RIMKLA: variants seen among roughly 807,000 people sequenced by gnomAD.
RIMKLA encodes ribosomal modification protein rimK like family member A.
A neutral mutation model predicts 32.7 loss-of-function variants in RIMKLA; 14 were observed. The observed-to-expected ratio is 0.43, with a 90% CI of 0.28 to 0.67. The LOEUF (loss-of-function observed/expected upper bound fraction) is 0.67. RIMKLA is among the 30% of genes least tolerant of loss of function. The pLI is 0.18. For missense variants in RIMKLA, 410 were observed against 519.0 expected (o/e 0.79, Z 2.04); for synonymous variants, 176 against 204.1 (o/e 0.86, Z 1.18).
chr1:42,402,586 GCTAA>G (rs1348371565), intron 2 of RIMKLA, among the ~76,000 whole-genome samples: 4 of 120,888 alleles, frequency 3.3e-5, no homozygotes, highest in African/African-American at 6.2e-5. Flanking sequence ...AATCCACCTG[GCTAA>G]CTTTTTTTTT....
chr1:42,422,516 C>T lies in RIMKLA; in HGVS notation c.*7542C>T, dbSNP rs547338248. 1.4e-4 allele frequency: 22 copies of T among 152,274 alleles called. No homozygotes were observed. Among genetic ancestry groups the T allele is most frequent in the East Asian group, 1.4e-3 (7 of 5,180 alleles). 9.4% of individuals were successfully genotyped at this position (152,274 alleles called of 1,614,324 possible). On this transcript the variant is annotated 3_prime_UTR_variant, in exon 5 of 5. Transcript: ENST00000431473. Reference sequence around the variant, plus strand: ...ACAGTGTTAACTTCTCCAACAGAGACGAAATCATTTATAAATGATTGTTTT... The same window carrying T: ...ACAGTGTTAACTTCTCCAACAGAGATGAAATCATTTATAAATGATTGTTTT...
In RIMKLA at chr1:42,380,882, G is replaced by A. The variant is rs571246827; in HGVS notation, c.-53G>A. 1.5e-4 allele frequency: 180 copies of A among 1,209,572 alleles called. 2 individuals are homozygous for A. The East Asian group carries it at 6.0e-3, about 40-fold the overall frequency. 74.9% of individuals were successfully genotyped at this position (1,209,572 alleles called of 1,614,324 possible). ...CCTCCGCTCGCCCTACTGAGCGAGC[G>A]GCCCGGGGCGCCGAGGGGTCCGCGC... On this transcript the variant is annotated 5_prime_UTR_variant, in exon 1 of 5. Transcript: ENST00000431473.
Position 42,384,609 on chromosome 1 carries a change from A to G in RIMKLA, c.163+3512A>G, listed in dbSNP as rs972392198. 1.2e-4 allele frequency among the ~76,000 whole-genome samples: 12 copies of G among 101,570 alleles called. No homozygotes were observed. The East Asian group carries it at 1.9e-3, about 16-fold the overall frequency. The allele number at this position is 101,570 out of a possible 152,430, so 66.6% of individuals were successfully genotyped here. On this transcript the variant is annotated intron_variant, in intron 1 of 4. Coordinates refer to ENST00000431473, the MANE Select transcript of RIMKLA (RefSeq NM_173642.4). ...TGTGTATATATGTATATATGTATGTATATATATACTATATATGTGTGTGTG... is the reference window on the plus strand; with the variant it reads ...TGTGTATATATGTATATATGTATGTGTATATATACTATATATGTGTGTGTG...
At position 42,415,139 on chromosome 1, in the gene RIMKLA, G is replaced by A; in HGVS notation, c.*165G>A. 1.4e-6 allele frequency: 1 copy of A among 720,970 alleles called. No homozygotes were observed. The highest frequency in any genetic ancestry group is 2.2e-6 in the Non-Finnish European group (1 of 452,040). The allele number at this position is 720,970 out of a possible 1,614,324, so 44.7% of individuals were successfully genotyped here. A position where few individuals can be genotyped will look rare whatever the true frequency, so the allele number is the denominator to read the frequency against. On this transcript the variant is annotated 3_prime_UTR_variant, in exon 5 of 5. Transcript: ENST00000431473. ...TGATTTAAGCAAATGGCCTAGCTTTGTGGTTTTTACAAAGACAAATATAAA... is the reference window on the plus strand; with the variant it reads ...TGATTTAAGCAAATGGCCTAGCTTTATGGTTTTTACAAAGACAAATATAAA...
At chr1:42,383,152 C>T (rs1642904260) in intron 1 of RIMKLA, among the ~76,000 whole-genome samples, 1 of 152,074 alleles carries the variant, frequency 6.6e-6, no homozygotes, top group South Asian at 2.1e-4. Context: ...TCCTAAAGTG[C>T]TGGGATTACA....
chr1:42,407,384 A>C (rs1378742452), intron 3 of RIMKLA, among the ~76,000 whole-genome samples: 1 of 151,806 alleles, frequency 6.6e-6, no homozygotes, highest in Non-Finnish European at 1.5e-5. Flanking sequence ...TTTTGATGTC[A>C]TTTTGTGCTT....
At chr1:42,390,925 A>G (rs1642994877) in intron 1 of RIMKLA, among the ~76,000 whole-genome samples, 1 of 152,154 alleles carries the variant, frequency 6.6e-6, no homozygotes, top group Non-Finnish European at 1.5e-5. Flanking sequence ...GCAGGAAGTG[A>G]TCATGGTGCT....
chr1:42,391,174 A>G (rs540911541), intron 1 of RIMKLA, among the ~76,000 whole-genome samples: 1 of 152,312 alleles, frequency 6.6e-6, no homozygotes, highest in Admixed American at 6.5e-5. Context: ...GGGATGGTGG[A>G]GAAGATCCTT....
chr1:42,381,022 T>G lies in RIMKLA; in HGVS notation c.88T>G (p.Cys30Gly). 7.1e-7 allele frequency: 1 copy of G among 1,399,178 alleles called. No homozygotes were observed. The highest frequency in any genetic ancestry group is 9.3e-7 in the Non-Finnish European group (1 of 1,076,618). 86.7% of individuals were successfully genotyped at this position (1,399,178 alleles called of 1,614,324 possible). A position where few individuals can be genotyped will look rare whatever the true frequency, so the allele number is the denominator to read the frequency against. The change falls in exon 1 of 5, where the codon TGC (cysteine) becomes GGC (glycine). Residue 30 changes from cysteine (C) to glycine (G), a missense_variant. Coordinates refer to ENST00000431473, the MANE Select transcript of RIMKLA (RefSeq NM_173642.4). ...GATCCTGCGCGCCCTCCGGCAGCGC[T>G]GCTCCGAGCAGGACGTGCGCTTCCG... The part of the protein sequence containing the change: ...VQILRALRQR[C>G]SEQDVRFRAV...
At chr1:42,404,128 A>G (rs1643124254) in intron 2 of RIMKLA, among the ~76,000 whole-genome samples, 1 of 152,214 alleles carries the variant, frequency 6.6e-6, no homozygotes, top group Non-Finnish European at 1.5e-5. Flanking sequence ...CACAGGAATG[A>G]TATCCCAACA....
At chr1:42,387,821 T>C (rs1391612428) in intron 1 of RIMKLA, among the ~76,000 whole-genome samples, 2 of 151,976 alleles carry the variant, frequency 1.3e-5, no homozygotes, top group Non-Finnish European at 2.9e-5. Context: ...GAAAATAGGA[T>C]GTAAACAAGG....
chr1:42,401,486 T>C (rs1049665366), intron 2 of RIMKLA, among the ~76,000 whole-genome samples: 1 of 148,134 alleles, frequency 6.8e-6, no homozygotes, highest in Admixed American at 6.7e-5. Context: ...GGCGGGCAAC[T>C]TGAGAGGTGA....
chr1:42,404,581 C>T lies in RIMKLA; in HGVS notation c.465C>T (p.Ser155=). The T allele has an allele frequency of 1.2e-6, 2 of 1,611,506 alleles. No individual in the cohort carries two copies. The highest frequency in any genetic ancestry group is 1.1e-5 in the South Asian group (1 of 91,038). Residue 155 remains serine (S), a synonymous_variant, in exon 3 of 5, where the codon AGC becomes AGT. Transcript: ENST00000431473. The part of the protein sequence containing the change: ...EPLGYPVVVK[S]TRGHRGKAVF... The stretch of plus-strand genomic sequence containing the variant: ...TGGGCTACCCAGTCGTGGTGAAGAG[C>T]ACACGAGGCCACCGGGGTCAGTGCC...
chr1:42,384,860 T>C (rs1051897916), intron 1 of RIMKLA, among the ~76,000 whole-genome samples: 2 of 152,086 alleles, frequency 1.3e-5, no homozygotes, highest in African/African-American at 4.8e-5. Context: ...ACTCCAGACC[T>C]TGCACTAAAA....
intron 1 of RIMKLA, among the ~76,000 whole-genome samples, chr1:42,381,460 G>T (rs1642888534): frequency 6.6e-6 from 1 of 152,132 alleles, no homozygotes; most frequent in East Asian, 1.9e-4. Context: ...AGACTCTGAG[G>T]TTTCTAGAAA....
Position 42,415,934 on chromosome 1 carries a change from G to A in RIMKLA, c.*960G>A. Reference sequence around the variant, plus strand: ...CTGTAGGGGGTTTTCTTGTATGAGTGGGTGTTGGAGGTCTATTGAGTAGAT... The same window carrying A: ...CTGTAGGGGGTTTTCTTGTATGAGTAGGTGTTGGAGGTCTATTGAGTAGAT... On this transcript the variant is annotated 3_prime_UTR_variant, in exon 5 of 5. Coordinates refer to ENST00000431473, the MANE Select transcript of RIMKLA (RefSeq NM_173642.4). 6.6e-6 allele frequency: 1 copy of A among 152,102 alleles called. No homozygotes were observed. Among genetic ancestry groups the A allele is most frequent in the East Asian group, 1.9e-4 (1 of 5,194 alleles). The allele number at this position is 152,102 out of a possible 1,614,324, so 9.4% of individuals were successfully genotyped here.
chr1:42,400,140 G>A (rs1214879477), intron 2 of RIMKLA, among the ~76,000 whole-genome samples: 1 of 152,202 alleles, frequency 6.6e-6, no homozygotes, highest in African/African-American at 2.4e-5. Context: ...CAAGAGAGCA[G>A]AATATAGAAA....
chr1:42,383,995 C>G (rs1343741991), intron 1 of RIMKLA, among the ~76,000 whole-genome samples: 6 of 152,114 alleles, frequency 3.9e-5, no homozygotes, highest in Admixed American at 3.9e-4. Context: ...AGCTTTTGTG[C>G]CTTCACTCCT....
At chr1:42,398,008 A>G (rs973625599) in intron 1 of RIMKLA, among the ~76,000 whole-genome samples, 1 of 152,164 alleles carries the variant, frequency 6.6e-6, no homozygotes, top group Non-Finnish European at 1.5e-5. Flanking sequence ...TCCTTGAGTA[A>G]TGAGCCTTGG....
Sources: allele counts gnomAD v4.1 joint callset (sites outside exome capture counted in the v4.1 genomes callset), GRCh38; gene constraint gnomAD v4.1.1; transcripts MANE v1.5; gene names NCBI Gene and HGNC (gene_info 2026-07-23, HGNC 2026-07-21).